PLEKHA6: variants seen among roughly 807,000 people sequenced by gnomAD.
PLEKHA6 encodes the protein pleckstrin homology domain containing A6, also known as pleckstrin homology domain-containing family A member 6.
A neutral mutation model predicts 116.7 loss-of-function variants in PLEKHA6; 60 were observed. The observed-to-expected ratio is 0.51, with a 90% CI of 0.42 to 0.64. The LOEUF (loss-of-function observed/expected upper bound fraction) is 0.64, where lower values mean the gene tolerates loss of function less well. PLEKHA6 is among the 30% of genes least tolerant of loss of function. PLEKHA6 has a pLI of 0.00. For missense variants in PLEKHA6, 1,338 were observed against 1,422.7 expected, an observed-to-expected ratio of 0.94 and a Z score of 0.96; for synonymous variants, 489 against 556.1, an observed-to-expected ratio of 0.88 and a Z score of 1.70.
chr1:204,373,418 C>T (rs530933754), intron 1 of PLEKHA6, among the ~76,000 whole-genome samples: 1 of 152,120 alleles, frequency 6.6e-6, no homozygotes, highest in East Asian at 1.9e-4. Context: ...CAAGGTCTTA[C>T]TATGTTGCCC....
intron 12 of PLEKHA6, 95 bp downstream of exon 12, chr1:204,248,725 AG>A (rs2102640064): frequency 8.6e-7 from 1 of 1,161,244 alleles, no homozygotes; most frequent in African/African-American, 1.5e-5. Flanking sequence ...TTGTCCTCTG[AG>A]GAAAACTGGA....
Position 204,228,560 on chromosome 1 carries a change from G to A in PLEKHA6, c.2885+168C>T, listed in dbSNP as rs1660705482. On this transcript the variant is annotated intron_variant, in intron 20 of 22. Coordinates refer to ENST00000272203, the MANE Select transcript of PLEKHA6 (RefSeq NM_014935.5). The surrounding 1 kb of genome is among the most constrained non-coding windows in gnomAD (Gnocchi z 4.0). ...TGGCAGGTCTTAGTAGCACCTGACA[G>A]CAGCATCCTTGCCTCTGCCGGTAGC... is the stretch of plus-strand genomic sequence containing the variant. 6.6e-6 allele frequency among the ~76,000 whole-genome samples: 1 copy of A among 152,172 alleles called. No homozygotes were observed. Among genetic ancestry groups the A allele is most frequent in the African/African-American group, 2.4e-5 (1 of 41,434 alleles).
chr1:204,350,692 T>C (rs558658119), intron 1 of PLEKHA6, among the ~76,000 whole-genome samples: 2 of 152,136 alleles, frequency 1.3e-5, no homozygotes, highest in African/African-American at 4.8e-5. Flanking sequence ...TAAAATTGTC[T>C]GGGAGATGGG....
chr1:204,258,215 A>T (rs1162546006), intron 8 of PLEKHA6, among the ~76,000 whole-genome samples: 1 of 152,130 alleles, frequency 6.6e-6, no homozygotes, highest in Non-Finnish European at 1.5e-5. Flanking sequence ...TCTACCAGGC[A>T]CCTGAAGGAG....
chr1:204,289,806 T>C (rs1258227905), intron 1 of PLEKHA6, among the ~76,000 whole-genome samples: 1 of 152,184 alleles, frequency 6.6e-6, no homozygotes, highest in Non-Finnish European at 1.5e-5. Context: ...CCCCTTGATA[T>C]TTTCAGGTTC....
chr1:204,372,781 C>G (rs1387355227), intron 1 of PLEKHA6, among the ~76,000 whole-genome samples: 2 of 152,018 alleles, frequency 1.3e-5, no homozygotes, highest in Admixed American at 6.6e-5. Context: ...ATCCTCACCC[C>G]TCTCCCCAGC....
chr1:204,243,795 CTTTA>C (rs1663200388), intron 15 of PLEKHA6, among the ~76,000 whole-genome samples: 1 of 152,100 alleles, frequency 6.6e-6, no homozygotes, highest in African/African-American at 2.4e-5. Context: ...ATGTGCGTAT[CTTTA>C]TTTTATTTTT....
At chr1:204,372,628 G>A (rs997246046) in intron 1 of PLEKHA6, among the ~76,000 whole-genome samples, 11 of 152,054 alleles carry the variant, frequency 7.2e-5, no homozygotes, top group Non-Finnish European at 1.2e-4. Flanking sequence ...TCGAATAAAC[G>A]CCCTAAAAAA....
Position 204,261,656 on chromosome 1 carries a change from TC to T in PLEKHA6, c.382-209del. 1 of 583,712 alleles carries T rather than the reference TC, an allele frequency of 1.7e-6. No homozygotes were observed. Among genetic ancestry groups the T allele is most frequent in the Non-Finnish European group, 3.0e-6 (1 of 333,616 alleles). The allele number at this position is 583,712 out of a possible 1,614,324, so 36.2% of individuals were successfully genotyped here. On this transcript the variant is annotated intron_variant, in intron 6 of 22. Transcript: ENST00000272203. This position sits in a 1 kb window ranked among gnomAD's most constrained non-coding sequence, Gnocchi z 4.0. Reference sequence around the variant, plus strand: ...GAGGGTTCCAGCTGGTACCCACGTATCCACCTTGGCTGGCTCTCTGGGCACC... The same window carrying T: ...GAGGGTTCCAGCTGGTACCCACGTATCACCTTGGCTGGCTCTCTGGGCACC...
chr1:204,227,052 T>C (rs1414990473), intron 21 of PLEKHA6, among the ~76,000 whole-genome samples: 1 of 152,158 alleles, frequency 6.6e-6, no homozygotes, highest in Non-Finnish European at 1.5e-5. Flanking sequence ...GATGAGGAAA[T>C]GGAGCCTCAG....
intron 1 of PLEKHA6, among the ~76,000 whole-genome samples, chr1:204,330,825 G>A (rs1233724350): frequency 1.3e-5 from 2 of 152,156 alleles, no homozygotes; most frequent in East Asian, 1.9e-4. Context: ...AGATCACCCT[G>A]GCTCAGAGCC....
chr1:204,331,215 A>T (rs1353479063), intron 1 of PLEKHA6, among the ~76,000 whole-genome samples: 1 of 151,854 alleles, frequency 6.6e-6, no homozygotes, highest in Non-Finnish European at 1.5e-5. Flanking sequence ...AAAAAAAAAA[A>T]AAAAAGGAAT....
chr1:204,318,329 T>C (rs1475992480), intron 1 of PLEKHA6, among the ~76,000 whole-genome samples: 1 of 152,076 alleles, frequency 6.6e-6, no homozygotes. Context: ...TTCAGCAGGG[T>C]AGGTACTATT....
intron 1 of PLEKHA6, among the ~76,000 whole-genome samples, chr1:204,291,265 TAACCATACC>T (rs1476738714): frequency 6.6e-6 from 1 of 152,154 alleles, no homozygotes; most frequent in Non-Finnish European, 1.5e-5. Context: ...ATTAAAAGAC[TAACCATACC>T]AAGTGCTGGC....
At chr1:204,267,902 T>C (rs1667011689) in intron 4 of PLEKHA6, among the ~76,000 whole-genome samples, 1 of 152,062 alleles carries the variant, frequency 6.6e-6, no homozygotes, top group Non-Finnish European at 1.5e-5. Flanking sequence ...CCCACCATAA[T>C]AAGCAGGACC....
intron 9 of PLEKHA6, among the ~76,000 whole-genome samples, chr1:204,256,529 T>C (rs1665312703): frequency 6.6e-6 from 1 of 152,172 alleles, no homozygotes; most frequent in East Asian, 1.9e-4. Context: ...TCCTGCATGC[T>C]GGAGAGGAGA....
intron 3 of PLEKHA6, among the ~76,000 whole-genome samples, chr1:204,367,542 C>A (rs920915953): frequency 6.6e-6 from 1 of 152,190 alleles, no homozygotes; most frequent in Admixed American, 6.5e-5. Context: ...TACAGCCCAG[C>A]CCAACACTCC....
At chr1:204,244,123 T>C (rs916860540) in intron 15 of PLEKHA6, among the ~76,000 whole-genome samples, 5 of 151,942 alleles carry the variant, frequency 3.3e-5, no homozygotes, top group African/African-American at 1.2e-4. Context: ...GCCCAGCCTC[T>C]TTCTTTTATT....
intron 1 of PLEKHA6, among the ~76,000 whole-genome samples, chr1:204,344,685 A>G (rs962662419): frequency 2.4e-4 from 36 of 152,152 alleles, no homozygotes; most frequent in Non-Finnish European, 8.8e-5. Context: ...TTCTAACCCA[A>G]ATTAATTATA....
Sources: allele counts gnomAD v4.1 joint callset (sites outside exome capture counted in the v4.1 genomes callset), GRCh38; gene constraint gnomAD v4.1.1; non-coding constraint Gnocchi (gnomAD v3.1); transcripts MANE v1.5; gene names NCBI Gene and HGNC (gene_info 2026-07-23, HGNC 2026-07-21).